Variants in ZFHX3 observed in about 807,000 individuals in gnomAD.
The protein encoded by ZFHX3 is zinc finger homeobox protein 3.
In ZFHX3, 42 loss-of-function variants were observed where a neutral mutation model predicts 279.1. That is an observed-to-expected ratio of 0.15 (90% CI 0.12 to 0.19). The LOEUF is 0.19. ZFHX3 is among the 10% of genes least tolerant of loss of function. The pLI is 1.00. For missense variants in ZFHX3, 4,981 were observed against 4,754.0 expected (o/e 1.05, Z -1.40); for synonymous variants, 2,293 against 1,957.8 (o/e 1.17, Z -4.52).
intron 5 of ZFHX3, among the ~76,000 whole-genome samples, chr16:73,165,848 C>A (rs1174844377): frequency 6.6e-6 from 1 of 152,126 alleles, no homozygotes; most frequent in Admixed American, 6.5e-5. Context: ...CCAACAATGA[C>A]ATGGATAGTA....
intron 5 of ZFHX3, among the ~76,000 whole-genome samples, chr16:73,169,872 C>T (rs1303690156): frequency 6.6e-6 from 1 of 152,046 alleles, no homozygotes; most frequent in Non-Finnish European, 1.5e-5. Context: ...TTTCTCTGAC[C>T]CACCCAATTG....
At position 72,797,855 on chromosome 16, in the gene ZFHX3, G is replaced by A. The variant is rs2143458479; in HGVS notation, c.4827C>T (p.Ser1609=). 1 of 1,614,116 alleles carries A rather than the reference G, an allele frequency of 6.2e-7. No individual in the cohort carries two copies. Among genetic ancestry groups the A allele is most frequent in the South Asian group, 1.1e-5 (1 of 91,076 alleles). Residue 1609 remains serine (S), a synonymous_variant, in exon 9 of 10, where the codon TCC becomes TCT. Transcript: ENST00000268489. ...NTCNVAYSQS[S]TLEIHMRSVL... ...CAGACCTCATATGGATCTCCAGAGT[G>A]GAACTCTGGCTGTAGGCCACATTAC...
At chr16:73,093,418 G>A in exon 8 of ZFHX3, 1 of 470,308 alleles carries the variant, frequency 2.1e-6, no homozygotes, top group South Asian at 1.5e-5. Context: ...TGATCACTTT[G>A]GTCCGTTTGA....
At chr16:73,228,660 C>T (rs2012678396) in intron 5 of ZFHX3, among the ~76,000 whole-genome samples, 1 of 152,086 alleles carries the variant, frequency 6.6e-6, no homozygotes, top group Non-Finnish European at 1.5e-5. Context: ...GAGACCCTGT[C>T]TCAAAAAACA....
chr16:73,152,667 C>A (rs1966971176), intron 5 of ZFHX3, among the ~76,000 whole-genome samples: 1 of 145,312 alleles, frequency 6.9e-6, no homozygotes, highest in African/African-American at 2.5e-5. Context: ...GCAGATAAAT[C>A]CTAAATAAAT....
At chr16:73,809,298 G>A (rs764344638) in intron 1 of ZFHX3, 2 of 152,306 alleles carry the variant, frequency 1.3e-5, no homozygotes, top group Non-Finnish European at 2.9e-5. Context: ...TGCAGCATAC[G>A]GTGACACTGT....
At chr16:72,998,220 G>T (rs1963363502) in intron 1 of ZFHX3, among the ~76,000 whole-genome samples, 1 of 152,144 alleles carries the variant, frequency 6.6e-6, no homozygotes, top group African/African-American at 2.4e-5. Context: ...GGCCAACATG[G>T]TGAAACCCCA....
intron 3 of ZFHX3, chr16:73,401,035 G>T (rs1377746376): frequency 2.0e-5 from 3 of 152,088 alleles, no homozygotes; most frequent in East Asian, 1.9e-4. Context: ...AGGAAGAAGG[G>T]CGGAACTGGG....
chr16:73,362,569 G>A (rs1382617754), intron 3 of ZFHX3, among the ~76,000 whole-genome samples: 2 of 152,320 alleles, frequency 1.3e-5, no homozygotes, highest in East Asian at 1.9e-4. Context: ...CTGCAAATGA[G>A]TCACAAAGAA....
At chr16:73,775,826 T>C (rs892664065) in intron 1 of ZFHX3, among the ~76,000 whole-genome samples, 2 of 152,144 alleles carry the variant, frequency 1.3e-5, no homozygotes, top group Non-Finnish European at 2.9e-5. Context: ...CATTAAGTGA[T>C]GGGGCCCCCA....
At chr16:73,700,506 T>C (rs1415049540) in intron 1 of ZFHX3, among the ~76,000 whole-genome samples, 16 of 152,226 alleles carry the variant, frequency 1.1e-4, no homozygotes, top group Admixed American at 1.0e-3. Flanking sequence ...ATTTGTAGAA[T>C]ACATGTTATT....
At chr16:73,738,348 G>A (rs1400404324) in intron 1 of ZFHX3, among the ~76,000 whole-genome samples, 2 of 152,206 alleles carry the variant, frequency 1.3e-5, no homozygotes, top group African/African-American at 4.8e-5. Flanking sequence ...ACACATCTAA[G>A]CAAAGCAAGC....
At chr16:73,150,649 T>C (rs1343830376) in intron 5 of ZFHX3, among the ~76,000 whole-genome samples, 20 of 152,102 alleles carry the variant, frequency 1.3e-4, no homozygotes. Context: ...ATCTATATAA[T>C]GTAAACTAAA....
intron 4 of ZFHX3, among the ~76,000 whole-genome samples, chr16:72,881,385 G>GA (rs71156127): frequency 0.42 from 64,063 of 151,752 alleles, 13,820 homozygotes; most frequent in Non-Finnish European, 0.47. Flanking sequence ...GTCAATGTTT[G>GA]AAAAAAATAA....
chr16:73,740,819 C>T (rs78973688), intron 1 of ZFHX3, among the ~76,000 whole-genome samples: 5,453 of 152,152 alleles, frequency 0.036, 333 homozygotes, highest in African/African-American at 0.12. Context: ...TCAGGGGCTT[C>T]TCATTATGGA....
intron 8 of ZFHX3, chr16:73,081,780 T>C (rs1254329574): frequency 2.6e-5 from 4 of 152,184 alleles, no homozygotes; most frequent in Non-Finnish European, 5.9e-5. Flanking sequence ...TGGATGTTTA[T>C]GGCACTTATG....
intron 6 of ZFHX3, among the ~76,000 whole-genome samples, chr16:73,138,479 G>C (rs1966831201): frequency 6.6e-6 from 1 of 152,156 alleles, no homozygotes; most frequent in South Asian, 2.1e-4. Context: ...ACCAGGGCAA[G>C]AAGAGTAGGA....
chr16:73,488,387 C>A (rs771449535), intron 2 of ZFHX3, among the ~76,000 whole-genome samples: 1 of 152,020 alleles, frequency 6.6e-6, no homozygotes, highest in African/African-American at 2.4e-5. Context: ...TAAAGGAAGG[C>A]GAGAGTGATG....
Position 72,787,767 on chromosome 16 carries a change from G to C in ZFHX3, c.10509C>G (p.His3503Gln). The change falls in exon 10 of 10, where the codon CAC becomes CAG. Residue 3503 changes from histidine to glutamine, a missense_variant. By Grantham distance (24) the His-to-Gln change is conservative (BLOSUM62 0). Transcript: ENST00000268489. The stretch of plus-strand genomic sequence containing the variant: ...CACCGCCGCCGCCGCCGGTGGGGAC[G>C]TGAAGCACCATCTCTTGCAGGTTCA... ...SVVNLQEMVL[H>Q]VPTGGGGGGS... is the part of the protein sequence containing the mutation. 6 of 1,468,506 alleles carry C rather than the reference G, an allele frequency of 4.1e-6. No homozygotes were observed. Among genetic ancestry groups the C allele is most frequent in the Non-Finnish European group, 5.4e-6 (6 of 1,107,114 alleles). 91.0% of individuals were successfully genotyped at this position (1,468,506 alleles called of 1,614,324 possible).
Sources: gnomAD v4.1 joint callset for allele counts (sites outside exome capture counted in the v4.1 genomes callset) on GRCh38, gnomAD v4.1.1 for gene constraint, MANE v1.5 for transcripts, NCBI Gene and HGNC (gene_info 2026-07-23, HGNC 2026-07-21) for gene names.